Variants in MAP4K3 observed in about 807,000 individuals in gnomAD.
MAP4K3 encodes mitogen-activated protein kinase kinase kinase kinase 3.
Under a neutral mutation model 143.5 loss-of-function variants are expected in MAP4K3, and 94 were observed. That is an observed-to-expected ratio of 0.65 (90% confidence interval 0.55 to 0.78). The LOEUF is 0.78. Ranked by LOEUF, MAP4K3 falls within the 30% of genes least tolerant of loss-of-function variation. The pLI is 0.00. For missense variants in MAP4K3, 1,077 were observed against 1,068.1 expected (o/e 1.01, Z -0.12); for synonymous variants, 416 against 347.2 (o/e 1.20, Z -2.20).
chr2:39,387,234 A>G (rs1451807026), intron 1 of MAP4K3, among the ~76,000 whole-genome samples: 1 of 152,054 alleles, frequency 6.6e-6, no homozygotes, highest in East Asian at 1.9e-4. Flanking sequence ...TTTCCATATA[A>G]ATTTGAGCCA....
At position 39,325,623 on chromosome 2, in the gene MAP4K3, A is replaced by T; in HGVS notation, c.813T>A (p.Pro271=). ...RPTAEKLLQH[P]FVTQHLTRSL... ...ACCGTGTCAAATGTTGTGTTACAAAAGGATGCTATAAAAATTAAATACAAT... is the reference window on the plus strand; with the variant it reads ...ACCGTGTCAAATGTTGTGTTACAAATGGATGCTATAAAAATTAAATACAAT... The change falls in exon 12 of 34, where the codon CCT becomes CCA. Residue 271 remains proline (P), a synonymous_variant. Coordinates refer to ENST00000263881, the MANE Select transcript of MAP4K3 (RefSeq NM_003618.4). 1 of 1,611,318 alleles carries T rather than the reference A, an allele frequency of 6.2e-7. No individual in the cohort carries two copies. The highest frequency in any genetic ancestry group is 2.2e-5 in the East Asian group (1 of 44,764).
intron 3 of MAP4K3, among the ~76,000 whole-genome samples, chr2:39,354,018 CG>C (rs1201661235): frequency 6.6e-6 from 1 of 152,082 alleles, no homozygotes; most frequent in Non-Finnish European, 1.5e-5. Flanking sequence ...ACCAAAGATA[CG>C]ATTTGTCTCT....
At chr2:39,351,008 C>G (rs1444037094) in intron 3 of MAP4K3, among the ~76,000 whole-genome samples, 2 of 152,138 alleles carry the variant, frequency 1.3e-5, no homozygotes, top group Non-Finnish European at 2.9e-5. Context: ...AAGTATTACA[C>G]TATTTACATA....
chr2:39,292,711 GAT>G, intron 18 of MAP4K3, 60 bp downstream of exon 18: 1 of 1,320,044 alleles, frequency 7.6e-7, no homozygotes, highest in African/African-American at 1.4e-5. Flanking sequence ...TAAGCTGCCA[GAT>G]TGATGAAATC....
At chr2:39,267,665 C>T (rs1680821415) in intron 26 of MAP4K3, among the ~76,000 whole-genome samples, 1 of 112,096 alleles carries the variant, frequency 8.9e-6, no homozygotes, top group South Asian at 3.0e-4. Context: ...AACAGAAGAG[C>T]AAAACTCGGT....
intron 2 of MAP4K3, among the ~76,000 whole-genome samples, chr2:39,357,961 T>C (rs1665657527): frequency 6.6e-6 from 1 of 152,150 alleles, no homozygotes; most frequent in South Asian, 2.1e-4. Flanking sequence ...TTTCTGGGGG[T>C]AGCCCTGAGA....
chr2:39,406,004 G>A (rs1044001411), intron 1 of MAP4K3, among the ~76,000 whole-genome samples: 1 of 151,996 alleles, frequency 6.6e-6, no homozygotes, highest in African/African-American at 2.4e-5. Context: ...CTCAGAGAAG[G>A]AATTCAGAAT....
intron 2 of MAP4K3, among the ~76,000 whole-genome samples, chr2:39,361,253 T>C (rs1231992961): frequency 3.3e-5 from 5 of 152,132 alleles, no homozygotes; most frequent in Non-Finnish European, 5.9e-5. Flanking sequence ...AATAATATGA[T>C]ATTATAATAA....
rs975855827 is a variant in MAP4K3, at chr2:39,367,761, C to A, written c.154+10305G>T. 1.8e-4 allele frequency among the ~76,000 whole-genome samples: 27 copies of A among 152,170 alleles called. No individual in the cohort carries two copies. In the East Asian group the frequency reaches 2.3e-3, roughly 13 times the overall value. ...AATGTCTACCCTAATGCTGTGTTTC[C>A]CAACTCTGTTTTCCTAATGCCTCTC... On this transcript the variant is annotated intron_variant, in intron 2 of 33. Coordinates refer to ENST00000263881, the MANE Select transcript of MAP4K3 (RefSeq NM_003618.4).
At chr2:39,325,707 A>G (rs1256913047) in intron 11 of MAP4K3, 23 bp downstream of exon 11, 6 of 1,579,600 alleles carry the variant, frequency 3.8e-6, no homozygotes, top group Admixed American at 3.4e-5. Flanking sequence ...ATATATATAT[A>G]TATTTCAGGG....
intron 1 of MAP4K3, among the ~76,000 whole-genome samples, chr2:39,413,072 T>A (rs1276503032): frequency 4.6e-5 from 7 of 152,230 alleles, no homozygotes; most frequent in East Asian, 1.9e-4. Flanking sequence ...TTATAAAATG[T>A]CAAGCTTTTT....
intron 27 of MAP4K3, among the ~76,000 whole-genome samples, chr2:39,266,528 C>A (rs1048564516): frequency 6.6e-6 from 1 of 152,004 alleles, no homozygotes; most frequent in South Asian, 2.1e-4. Context: ...TATGTCATTT[C>A]TTCTGTTTGA....
At chr2:39,325,242 A>C (rs912764560) in intron 12 of MAP4K3, among the ~76,000 whole-genome samples, 4 of 152,224 alleles carry the variant, frequency 2.6e-5, no homozygotes, top group Non-Finnish European at 5.9e-5. Flanking sequence ...AAAAATGGCT[A>C]TTTTGAAATA....
intron 7 of MAP4K3, among the ~76,000 whole-genome samples, chr2:39,333,282 G>A (rs1334572395): frequency 1.3e-5 from 2 of 151,960 alleles, no homozygotes; most frequent in Non-Finnish European, 2.9e-5. Context: ...GGGTTTAGAG[G>A]TGAAAGAATT....
At chr2:39,415,522 C>A (rs1362987404) in intron 1 of MAP4K3, among the ~76,000 whole-genome samples, 2 of 152,028 alleles carry the variant, frequency 1.3e-5, no homozygotes, top group East Asian at 3.9e-4. Context: ...GATAACCGTA[C>A]GTATTACTTC....
intron 31 of MAP4K3, among the ~76,000 whole-genome samples, chr2:39,256,184 C>A (rs1680336139): frequency 6.6e-6 from 1 of 152,152 alleles, no homozygotes; most frequent in Non-Finnish European, 1.5e-5. Flanking sequence ...AATTCTCTTA[C>A]TAACTCTAGT....
Position 39,331,966 on chromosome 2 carries a change from T to C in MAP4K3, c.481A>G (p.Ile161Val). 1 of 1,573,090 alleles carries C rather than the reference T, an allele frequency of 6.4e-7. No homozygotes were observed. The highest frequency in any genetic ancestry group is 8.7e-7 in the Non-Finnish European group (1 of 1,153,352). The change falls in exon 8 of 34, where the codon ATA becomes GTA. Residue 161 changes from isoleucine (I) to valine (V), a missense_variant. Physicochemically the swap from Ile to Val is conservative, Grantham distance 29. Coordinates refer to ENST00000263881, the MANE Select transcript of MAP4K3 (RefSeq NM_003618.4). ...KLADFGVSAQ[I>V]TATIAKRKSF... ...TTCCGTTTGGCAATTGTAGCTGTTA[T>C]CTGTGCAGATACTCCAAAATCAGCT...
intron 28 of MAP4K3, among the ~76,000 whole-genome samples, chr2:39,263,144 G>A (rs552698780): frequency 6.6e-6 from 1 of 151,962 alleles, no homozygotes; most frequent in Admixed American, 6.6e-5. Flanking sequence ...AATGTCATTA[G>A]GAGGAAACAA....
chr2:39,342,427 G>T (rs2148534466), intron 4 of MAP4K3, among the ~76,000 whole-genome samples: 1 of 152,194 alleles, frequency 6.6e-6, no homozygotes, highest in South Asian at 2.1e-4. Flanking sequence ...ACTGCACCCG[G>T]CCCTTCATCA....
Sources: allele counts gnomAD v4.1 joint callset (sites outside exome capture counted in the v4.1 genomes callset), GRCh38; gene constraint gnomAD v4.1.1; transcripts MANE v1.5; gene names NCBI Gene and HGNC (gene_info 2026-07-23, HGNC 2026-07-21).